Variants in KCNQ4 observed in about 807,000 individuals in gnomAD.
KCNQ4 encodes potassium voltage-gated channel subfamily Q member 4, also known as potassium voltage-gated channel subfamily KQT member 4.
A neutral mutation model predicts 72.6 loss-of-function variants in KCNQ4; 31 were observed. That is an observed-to-expected ratio of 0.43 (90% confidence interval 0.32 to 0.58). KCNQ4 has a LOEUF of 0.58. KCNQ4 is among the 20% of genes least tolerant of loss of function. KCNQ4 has a pLI of 0.08. For missense variants in KCNQ4, 869 were observed against 962.6 expected (o/e 0.90, Z 1.29); for synonymous variants, 405 against 403.7 (o/e 1.00, Z -0.04).
At position 40,840,104 on chromosome 1, in the gene KCNQ4, G is replaced by A. The variant is rs1648932787; in HGVS notation, c.*1581G>A. The A allele has an allele frequency of 6.6e-6, 1 of 152,292 alleles. No homozygotes were observed. The highest frequency in any genetic ancestry group is 2.4e-5 in the African/African-American group (1 of 41,462). 9.4% of individuals were successfully genotyped at this position (152,292 alleles called of 1,614,324 possible). A position where few individuals can be genotyped will look rare whatever the true frequency, so the allele number is the denominator to read the frequency against. On this transcript the variant is annotated 3_prime_UTR_variant, in exon 14 of 14. Transcript: ENST00000347132. ...CACGCTGCCTGCATCTCGTGCTGGG[G>A]ACCTGCATGCGCCAGCACCAGGGCT...
rs975290122 is a variant in KCNQ4, at chr1:40,794,963, G to A, written c.314+10556G>A. Among the ~76,000 whole-genome samples, 82 of 146,162 alleles carry A rather than the reference G, an allele frequency of 5.6e-4. No homozygotes were observed. The highest frequency in any genetic ancestry group is 2.0e-3 in the African/African-American group (78 of 39,302). ...AACCCAAGGCTCTTTCCTAAGATTG[G>A]GTTGGGCGGGTGGGGGGGTGGGGGG... is the stretch of plus-strand genomic sequence containing the variant. On this transcript the variant is annotated intron_variant, in intron 1 of 13. Coordinates refer to ENST00000347132, the MANE Select transcript of KCNQ4 (RefSeq NM_004700.4). The surrounding 1 kb of genome is among the most constrained non-coding windows in gnomAD (Gnocchi z 4.2).
intron 1 of KCNQ4, among the ~76,000 whole-genome samples, chr1:40,790,199 T>C (rs1647251940): frequency 6.6e-6 from 1 of 152,224 alleles, no homozygotes; most frequent in South Asian, 2.1e-4. Context: ...ACTTAACCTC[T>C]CTGGGCTTCA....
intron 1 of KCNQ4, among the ~76,000 whole-genome samples, chr1:40,791,070 C>T (rs1267387428): frequency 6.6e-6 from 1 of 151,958 alleles, no homozygotes; most frequent in Non-Finnish European, 1.5e-5. Context: ...GGAGGGCACT[C>T]CCCCACTCTC....
At chr1:40,819,060 G>C in intron 4 of KCNQ4, 1 of 555,096 alleles carries the variant, frequency 1.8e-6, no homozygotes, top group Non-Finnish European at 3.3e-6. Context: ...AGTGGGACTT[G>C]GGGGACGGGG....
intron 9 of KCNQ4, among the ~76,000 whole-genome samples, chr1:40,824,872 G>T (rs1648430500): frequency 6.6e-6 from 1 of 152,310 alleles, no homozygotes; most frequent in East Asian, 1.9e-4. Context: ...AATCCCAGAG[G>T]GTCCTCTTGG....
chr1:40,804,232 T>C (rs2148305942), intron 1 of KCNQ4, among the ~76,000 whole-genome samples: 1 of 152,334 alleles, frequency 6.6e-6, no homozygotes, highest in Non-Finnish European at 1.5e-5. Flanking sequence ...AGGTCCCATC[T>C]TGGCCCCAGG....
In KCNQ4 at chr1:40,784,529, T is replaced by TC. The variant is rs1327078572; in HGVS notation, c.314+128dup. ...GCCTCAGGGCCGACCCTCATCTCTCTCCCCCCAGGCCTAAGCCCGGTTTCT... is the reference window on the plus strand; with the variant it reads ...GCCTCAGGGCCGACCCTCATCTCTCTCCCCCCCAGGCCTAAGCCCGGTTTCT... On this transcript the variant is annotated intron_variant, in intron 1 of 13. Coordinates refer to ENST00000347132, the MANE Select transcript of KCNQ4 (RefSeq NM_004700.4). This position sits in a 1 kb window ranked among gnomAD's most constrained non-coding sequence, Gnocchi z 4.1. 2 of 919,734 alleles carry TC rather than the reference T, an allele frequency of 2.2e-6. No homozygotes were observed. Among genetic ancestry groups the TC allele is most frequent in the Admixed American group, 1.9e-5 (1 of 51,622 alleles). The allele number at this position is 919,734 out of a possible 1,614,324, so 57.0% of individuals were successfully genotyped here.
intron 1 of KCNQ4, among the ~76,000 whole-genome samples, chr1:40,803,517 G>A (rs1647646455): frequency 6.6e-6 from 1 of 152,138 alleles, no homozygotes; most frequent in African/African-American, 2.4e-5. Flanking sequence ...CCTGCAGGCT[G>A]GGCAGCCTTT....
At chr1:40,811,306 G>A (rs1647924984) in intron 1 of KCNQ4, among the ~76,000 whole-genome samples, 1 of 152,208 alleles carries the variant, frequency 6.6e-6, no homozygotes, top group Admixed American at 6.5e-5. Context: ...GTATAAATGT[G>A]GAGAAGGCGG....
At chr1:40,787,226 G>A (rs145348800) in intron 1 of KCNQ4, among the ~76,000 whole-genome samples, 48 of 152,160 alleles carry the variant, frequency 3.2e-4, no homozygotes, top group African/African-American at 1.0e-3. Context: ...AAAATTAGCC[G>A]GGCATGGTGG....
chr1:40,789,326 C>T (rs1349592892), intron 1 of KCNQ4, among the ~76,000 whole-genome samples: 1 of 152,118 alleles, frequency 6.6e-6, no homozygotes, highest in Admixed American at 6.5e-5. Context: ...TGCCAGGAAC[C>T]CAAGCCTTTT....
chr1:40,790,541 A>C (rs76356035), intron 1 of KCNQ4, among the ~76,000 whole-genome samples: 5,184 of 152,082 alleles, frequency 0.034, 302 homozygotes, highest in African/African-American at 0.12. Flanking sequence ...TCTGACTTAC[A>C]TTCTCTCGTG....
Position 40,838,616 on chromosome 1 carries a change from A to G in KCNQ4, c.*93A>G, listed in dbSNP as rs1648884565. 2 of 1,173,542 alleles carry G rather than the reference A, an allele frequency of 1.7e-6. No homozygotes were observed. Among genetic ancestry groups the G allele is most frequent in the Non-Finnish European group, 2.5e-6 (2 of 786,460 alleles). 72.7% of individuals were successfully genotyped at this position (1,173,542 alleles called of 1,614,324 possible). A position where few individuals can be genotyped will look rare whatever the true frequency, so the allele number is the denominator to read the frequency against. On this transcript the variant is annotated 3_prime_UTR_variant, in exon 14 of 14. Coordinates refer to ENST00000347132, the MANE Select transcript of KCNQ4 (RefSeq NM_004700.4). ...GCCTCCGGACTCCTCTCGTACTTGA[A>G]CTCACTCCCTCACGGGGAGAGAGAC... is the stretch of plus-strand genomic sequence containing the variant.
At chr1:40,812,642 G>A (rs1280261531) in intron 1 of KCNQ4, among the ~76,000 whole-genome samples, 1 of 152,188 alleles carries the variant, frequency 6.6e-6, no homozygotes, top group Non-Finnish European at 1.5e-5. Flanking sequence ...TTAGCCAGTG[G>A]GTTAAAGCAG....
chr1:40,790,549 G>C (rs560978052), intron 1 of KCNQ4, among the ~76,000 whole-genome samples: 1 of 152,152 alleles, frequency 6.6e-6, no homozygotes, highest in African/African-American at 2.4e-5. Context: ...ACATTCTCTC[G>C]TGTAACGCTC....
chr1:40,794,188 G>A lies in KCNQ4; in HGVS notation c.314+9781G>A, dbSNP rs1647344417. Among the ~76,000 whole-genome samples the A allele has an allele frequency of 6.6e-6, 1 of 152,152 alleles. No homozygotes were observed. The highest frequency in any genetic ancestry group is 1.5e-5 in the Non-Finnish European group (1 of 68,042). ...CAGCAGAGCAAAGGCCTTGAGATGG[G>A]ACTTCCTTCCCCTCACTCCTTTGCC... On this transcript the variant is annotated intron_variant, in intron 1 of 13. Coordinates refer to ENST00000347132, the MANE Select transcript of KCNQ4 (RefSeq NM_004700.4). The surrounding 1 kb of genome is among the most constrained non-coding windows in gnomAD (Gnocchi z 4.2).
intron 1 of KCNQ4, among the ~76,000 whole-genome samples, chr1:40,809,559 A>T (rs1280041358): frequency 2.0e-5 from 3 of 152,066 alleles, no homozygotes; most frequent in Admixed American, 6.5e-5. Context: ...TTTCCAGTTA[A>T]TCACCGAGCC....
chr1:40,799,114 T>G (rs1442134871), intron 1 of KCNQ4, among the ~76,000 whole-genome samples: 2 of 152,244 alleles, frequency 1.3e-5, no homozygotes, highest in Non-Finnish European at 2.9e-5. Context: ...CAGCCCCAGC[T>G]CAGATCCCTG....
rs1447174949 is a variant in KCNQ4, at chr1:40,840,387, G to A, written c.*1864G>A. On this transcript the variant is annotated 3_prime_UTR_variant, in exon 14 of 14. Coordinates refer to ENST00000347132, the MANE Select transcript of KCNQ4 (RefSeq NM_004700.4). ...AGGTTCCGCCATCAACTCGGTTCTC[G>A]GATATGCAAGTACCTCACTTTGTTA... 1 of 152,252 alleles carries A rather than the reference G, an allele frequency of 6.6e-6. No individual in the cohort carries two copies. Among genetic ancestry groups the A allele is most frequent in the Non-Finnish European group, 1.5e-5 (1 of 68,056 alleles). The allele number at this position is 152,252 out of a possible 1,614,324, so 9.4% of individuals were successfully genotyped here.
Sources: allele counts gnomAD v4.1 joint callset (sites outside exome capture counted in the v4.1 genomes callset), GRCh38; gene constraint gnomAD v4.1.1; non-coding constraint Gnocchi (gnomAD v3.1); transcripts MANE v1.5; gene names NCBI Gene and HGNC (gene_info 2026-07-23, HGNC 2026-07-21).